Variants in DOK6 observed in about 807,000 individuals in gnomAD.
DOK6 encodes downstream of tyrosine kinase 6.
DOK6 carries 22 observed loss-of-function variants against 44.0 expected under a neutral mutation model. The ratio of observed to expected loss-of-function variants is 0.50; its 90% CI spans 0.36 to 0.71. The LOEUF (loss-of-function observed/expected upper bound fraction) is 0.71, where lower values mean the gene tolerates loss of function less well. DOK6 is among the 30% of genes least tolerant of loss of function. The probability of loss-of-function intolerance (pLI) is 0.00; values close to 1 mark genes in which losing one functional copy is unlikely to be tolerated. For synonymous variants in DOK6, 166 were observed against 145.5 expected (o/e 1.14, Z -1.01); for missense variants, 340 against 416.4 (o/e 0.82, Z 1.60).
At chr18:69,402,012 G>A (rs766611152) in intron 1 of DOK6, among the ~76,000 whole-genome samples, 7 of 152,192 alleles carry the variant, frequency 4.6e-5, no homozygotes, top group Non-Finnish European at 1.0e-4. Context: ...GAACCCAAGG[G>A]TTCAAAACTA....
rs185613159 is a variant in DOK6, at chr18:69,456,831, A to G, written c.66+55521A>G. ...GTATCCATTGTTTTTTGACTTCTTA[A>G]TAATAGCCATTTTGACTGGTGTGAA... is the stretch of plus-strand genomic sequence containing the variant. On this transcript the variant is annotated intron_variant, in intron 1 of 7. Transcript: ENST00000382713. Among the ~76,000 whole-genome samples the G allele has an allele frequency of 3.9e-5, 6 of 152,236 alleles. No homozygotes were observed. The East Asian group carries it at 5.8e-4, about 15-fold the overall frequency.
At chr18:69,840,580 A>G (rs1982188074) in intron 7 of DOK6, among the ~76,000 whole-genome samples, 1 of 152,240 alleles carries the variant, frequency 6.6e-6, no homozygotes. Flanking sequence ...CCAAAAGCAT[A>G]GACAGAATTT....
intron 7 of DOK6, among the ~76,000 whole-genome samples, chr18:69,800,074 TA>T (rs1285667858): frequency 7.9e-6 from 1 of 127,292 alleles, no homozygotes; most frequent in African/African-American, 2.6e-5. Context: ...AGTTTTTCTT[TA>T]TTTCTCTACG....
chr18:69,662,933 A>C (rs1339560812), intron 3 of DOK6: 2 of 152,252 alleles, frequency 1.3e-5, no homozygotes, highest in Admixed American at 1.3e-4. Flanking sequence ...TCCAAAGCCA[A>C]TTAAGTAAAC....
chr18:69,830,144 CATTA>C (rs1320089165), intron 7 of DOK6, among the ~76,000 whole-genome samples: 27 of 151,954 alleles, frequency 1.8e-4, no homozygotes, highest in African/African-American at 6.3e-4. Flanking sequence ...AAATTATGTA[CATTA>C]ATTATGTTCA....
intron 1 of DOK6, among the ~76,000 whole-genome samples, chr18:69,555,158 G>C (rs1462955671): frequency 6.6e-6 from 1 of 151,926 alleles, no homozygotes; most frequent in African/African-American, 2.4e-5. Context: ...AATGTTTTGT[G>C]TCTTATTTTT....
chr18:69,522,761 A>T (rs190212479), intron 1 of DOK6, among the ~76,000 whole-genome samples: 2 of 152,222 alleles, frequency 1.3e-5, no homozygotes, highest in Admixed American at 1.3e-4. Flanking sequence ...CTTTTGTGAT[A>T]TCTCCTTGTG....
At chr18:69,737,403 T>C (rs2144736422) in intron 5 of DOK6, among the ~76,000 whole-genome samples, 1 of 152,244 alleles carries the variant, frequency 6.6e-6, no homozygotes, top group South Asian at 2.1e-4. Context: ...GAGAGCAGCA[T>C]GGGAGAAACT....
At chr18:69,778,114 A>G (rs1177461265) in intron 7 of DOK6, among the ~76,000 whole-genome samples, 2 of 152,192 alleles carry the variant, frequency 1.3e-5, no homozygotes. Context: ...AATAGGCATT[A>G]ATAAAGTAAC....
chr18:69,641,028 C>A (rs932136395), intron 3 of DOK6, among the ~76,000 whole-genome samples: 1 of 151,824 alleles, frequency 6.6e-6, no homozygotes, highest in Admixed American at 6.6e-5. Context: ...CCATCCTGGC[C>A]AACATAGTAA....
intron 1 of DOK6, among the ~76,000 whole-genome samples, chr18:69,530,381 A>G (rs890389872): frequency 2.0e-5 from 3 of 152,212 alleles, no homozygotes; most frequent in African/African-American, 7.2e-5. Flanking sequence ...TGCACACCCA[A>G]AAATGGCATC....
intron 1 of DOK6, among the ~76,000 whole-genome samples, chr18:69,526,248 C>T (rs1981827597): frequency 6.6e-6 from 1 of 152,058 alleles, no homozygotes; most frequent in Non-Finnish European, 1.5e-5. Context: ...TCTCCTCATG[C>T]TCCCCTAACC....
chr18:69,523,935 A>T (rs554472526), intron 1 of DOK6, among the ~76,000 whole-genome samples: 17 of 152,162 alleles, frequency 1.1e-4, no homozygotes, highest in African/African-American at 4.1e-4. Context: ...TGACTTGGAA[A>T]TAGATATAAA....
chr18:69,413,535 T>C (rs1047673380), intron 1 of DOK6, among the ~76,000 whole-genome samples: 1 of 152,110 alleles, frequency 6.6e-6, no homozygotes, highest in African/African-American at 2.4e-5. Context: ...TTTCAGCAAA[T>C]GTTACTGGAG....
intron 7 of DOK6, among the ~76,000 whole-genome samples, chr18:69,773,558 T>C (rs11877302): frequency 0.75 from 114,243 of 151,728 alleles, 43,820 homozygotes; most frequent in East Asian, 0.87. Flanking sequence ...GCCTTGAGGA[T>C]GTTATGCTAA....
chr18:69,489,376 A>G (rs2144538214), intron 1 of DOK6, among the ~76,000 whole-genome samples: 1 of 152,296 alleles, frequency 6.6e-6, no homozygotes, highest in Admixed American at 6.5e-5. Flanking sequence ...CCTACCAGTG[A>G]TGGACCATGG....
chr18:69,565,501 GTGTGTGTGTGTGTGTGTGTGTATATA>G (rs1568298066), intron 2 of DOK6, among the ~76,000 whole-genome samples: 1 of 47,686 alleles, frequency 2.1e-5, no homozygotes, highest in Non-Finnish European at 4.5e-5. Flanking sequence ...GTGTGTGTGT[GTGTGTGTGTGTGTGTGTGTGTATATA>G]TATATACATA....
At chr18:69,703,318 C>G (rs1205294559) in intron 5 of DOK6, among the ~76,000 whole-genome samples, 1 of 152,164 alleles carries the variant, frequency 6.6e-6, no homozygotes, top group Non-Finnish European at 1.5e-5. Flanking sequence ...CACCAGAAAC[C>G]TCATTTATTC....
At chr18:69,743,799 A>T (rs1042421288) in intron 6 of DOK6, among the ~76,000 whole-genome samples, 2 of 145,454 alleles carry the variant, frequency 1.4e-5, no homozygotes, top group Non-Finnish European at 3.0e-5. Context: ...ACACCCTCAC[A>T]AAATGAGAAT....
Sources: allele counts gnomAD v4.1 joint callset (sites outside exome capture counted in the v4.1 genomes callset), GRCh38; gene constraint gnomAD v4.1.1; transcripts MANE v1.5; gene names NCBI Gene and HGNC (gene_info 2026-07-23, HGNC 2026-07-21).